The following TBC1D16 variants were observed in gnomAD, a reference collection of about 807,000 sequenced individuals.
The protein encoded by TBC1D16 is TBC1 domain family member 16.
Under a neutral mutation model 74.7 loss-of-function variants are expected in TBC1D16, and 58 were observed. The observed-to-expected ratio is 0.78, with a 90% CI of 0.63 to 0.97. The LOEUF is 0.97. TBC1D16 is among the 50% of genes least tolerant of loss of function. The pLI is 0.00. For missense variants in TBC1D16, 1,014 were observed against 1,079.5 expected (o/e 0.94, Z 0.85); for synonymous variants, 493 against 474.7 (o/e 1.04, Z -0.50).
intron 3 of TBC1D16, among the ~76,000 whole-genome samples, chr17:79,989,322 A>T (rs1336534698): frequency 3.3e-5 from 5 of 152,246 alleles, no homozygotes; most frequent in African/African-American, 9.6e-5. Flanking sequence ...GACGCATCAA[A>T]GCCCCTCTCA....
chr17:79,995,514 G>T (rs939305566), intron 3 of TBC1D16, among the ~76,000 whole-genome samples: 1 of 151,530 alleles, frequency 6.6e-6, no homozygotes, highest in East Asian at 1.9e-4. Flanking sequence ...GGCCGGGCGC[G>T]GTGGCTCACG....
In TBC1D16 at chr17:79,938,032, C is replaced by A. The variant is rs1198140791; in HGVS notation, c.*2827G>T. ...GGATGGCCGTGCAGGGCTGATTATC[C>A]CCTATTTGCACGTTCTGGCGGTGGG... is the stretch of plus-strand genomic sequence containing the variant. On this transcript the variant is annotated 3_prime_UTR_variant, in exon 12 of 12. Coordinates refer to ENST00000310924, the MANE Select transcript of TBC1D16 (RefSeq NM_019020.4). 1 of 152,202 alleles carries A rather than the reference C, an allele frequency of 6.6e-6. No homozygotes were observed. The highest frequency in any genetic ancestry group is 1.9e-4 in the East Asian group (1 of 5,198). The allele number at this position is 152,202 out of a possible 1,614,324, so 9.4% of individuals were successfully genotyped here.
In TBC1D16 at chr17:79,987,940, C is replaced by A. The variant is rs1205935786; in HGVS notation, c.779+22220G>T. Among the ~76,000 whole-genome samples the A allele has an allele frequency of 6.6e-6, 1 of 151,918 alleles. No individual in the cohort carries two copies. The highest frequency in any genetic ancestry group is 6.6e-5 in the Admixed American group (1 of 15,252). On this transcript the variant is annotated intron_variant, in intron 3 of 11. Transcript: ENST00000310924. This position sits in a 1 kb window ranked among gnomAD's most constrained non-coding sequence, Gnocchi z 5.2. ...CCCTCCGAGGCTCTCGGATTTTACGCCTGCATGAGATTTCGAGGGAAGAAT... is the reference window on the plus strand; with the variant it reads ...CCCTCCGAGGCTCTCGGATTTTACGACTGCATGAGATTTCGAGGGAAGAAT...
At chr17:79,976,561 G>A (rs999427878) in intron 3 of TBC1D16, among the ~76,000 whole-genome samples, 2 of 152,190 alleles carry the variant, frequency 1.3e-5, no homozygotes, top group African/African-American at 4.8e-5. Context: ...AAAGCGTGAG[G>A]GAAACACACC....
chr17:79,952,535 G>C, intron 4 of TBC1D16, 122 bp downstream of exon 4: 1 of 1,263,352 alleles, frequency 7.9e-7, no homozygotes, highest in Non-Finnish European at 1.1e-6. Flanking sequence ...GCAGACGCTT[G>C]GGAAGACTCC....
In TBC1D16 at chr17:79,949,760, G is replaced by A. The variant is rs2032890353; in HGVS notation, c.1363C>T (p.Arg455Trp). ...GAGTACTCCTTTCGCTTCTGCAGCC[G>A]CAGCGCCTCCCGCTCCTCCGACGTG... ...ESTSEEREAL[R>W]LQKRKEYSEI... The change falls in exon 7 of 12, where the codon CGG becomes TGG. Residue 455 changes from arginine (R) to tryptophan (W), a missense_variant. By Grantham distance (101) the Arg-to-Trp change is moderately radical (BLOSUM62 -3). Transcript: ENST00000310924. 1 of 1,613,402 alleles carries A rather than the reference G, an allele frequency of 6.2e-7. No homozygotes were observed. Among genetic ancestry groups the A allele is most frequent in the Non-Finnish European group, 8.5e-7 (1 of 1,179,860 alleles).
intron 3 of TBC1D16, chr17:79,992,274 A>G (rs2035096402): frequency 1.3e-5 from 2 of 152,238 alleles, no homozygotes; most frequent in Admixed American, 6.5e-5. Flanking sequence ...GTCCCTTTCA[A>G]CCGCTGTCAG....
chr17:79,974,876 T>C (rs1003707959), intron 3 of TBC1D16, among the ~76,000 whole-genome samples: 8 of 152,194 alleles, frequency 5.3e-5, no homozygotes, highest in African/African-American at 1.4e-4. Context: ...TTCAAAAACG[T>C]TGAAAGAGGG....
rs2035732193 is a variant in TBC1D16 at position 80,007,761 on chromosome 17, C to T, written c.779+2399G>A. On this transcript the variant is annotated intron_variant, in intron 3 of 11. Transcript: ENST00000310924. The surrounding 1 kb of genome is among the most constrained non-coding windows in gnomAD (Gnocchi z 4.5). ...GCCAAAGGCATGAGGCAGAGAGAGC[C>T]CCACAAGATCTAGAGGCAGAGAGGA... is the stretch of plus-strand genomic sequence containing the variant. Among the ~76,000 whole-genome samples the T allele has an allele frequency of 2.6e-5, 4 of 152,030 alleles. No individual in the cohort carries two copies. The highest frequency in any genetic ancestry group is 2.6e-4 in the Admixed American group (4 of 15,272).
intron 3 of TBC1D16, among the ~76,000 whole-genome samples, chr17:79,972,024 G>A (rs143831354): frequency 1.5e-4 from 23 of 152,280 alleles, no homozygotes; most frequent in Non-Finnish European, 2.4e-4. Flanking sequence ...GCAGGGACTC[G>A]AACAGGTATG....
At position 79,993,627 on chromosome 17, in the gene TBC1D16, C is replaced by G. The variant is rs1453011345; in HGVS notation, c.779+16533G>C. ...CTTTCAGGGAAGATTTCATCAGGTG[C>G]TGGGTTACATTGCAACAGCCAGGCG... is the stretch of plus-strand genomic sequence containing the variant. On this transcript the variant is annotated intron_variant, in intron 3 of 11. Transcript: ENST00000310924. This position sits in a 1 kb window ranked among gnomAD's most constrained non-coding sequence, Gnocchi z 5.1. 3 of 152,272 alleles carry G rather than the reference C, an allele frequency of 2.0e-5. No homozygotes were observed. The highest frequency in any genetic ancestry group is 4.4e-5 in the Non-Finnish European group (3 of 68,060). The allele number at this position is 152,272 out of a possible 1,614,324, so 9.4% of individuals were successfully genotyped here.
At position 79,933,781 on chromosome 17, in the gene TBC1D16, G is replaced by C. The variant is rs2031409316; in HGVS notation, c.*7078C>G. The C allele has an allele frequency of 2.6e-5, 4 of 152,356 alleles. No homozygotes were observed. In the South Asian group the frequency reaches 8.3e-4, roughly 32 times the overall value. 9.4% of individuals were successfully genotyped at this position (152,356 alleles called of 1,614,324 possible). A position where few individuals can be genotyped will look rare whatever the true frequency, so the allele number is the denominator to read the frequency against. Reference sequence around the variant, plus strand: ...CTTTGCTCATTTGAGGGTGTGCAGGGTACATATGTGTCTGCCCCGGGAATC... The same window carrying C: ...CTTTGCTCATTTGAGGGTGTGCAGGCTACATATGTGTCTGCCCCGGGAATC... On this transcript the variant is annotated 3_prime_UTR_variant, in exon 12 of 12. Transcript: ENST00000310924.
chr17:79,974,939 G>A (rs562134909), intron 3 of TBC1D16, among the ~76,000 whole-genome samples: 1 of 152,308 alleles, frequency 6.6e-6, no homozygotes, highest in South Asian at 2.1e-4. Flanking sequence ...CTCCCTGTCC[G>A]ATTCCTGATT....
At position 80,005,328 on chromosome 17, in the gene TBC1D16, G is replaced by A. The variant is rs1173620592; in HGVS notation, c.779+4832C>T. Among the ~76,000 whole-genome samples, 4 of 152,196 alleles carry A rather than the reference G, an allele frequency of 2.6e-5. No individual in the cohort carries two copies. The East Asian group carries it at 7.7e-4, about 29-fold the overall frequency. On this transcript the variant is annotated intron_variant, in intron 3 of 11. Coordinates refer to ENST00000310924, the MANE Select transcript of TBC1D16 (RefSeq NM_019020.4). ...TCAGTTCTTTATCCAGGTCACCAAT[G>A]CACATCCCCGGGGCAGGGTCAGTGG... is the stretch of plus-strand genomic sequence containing the variant.
Position 79,950,274 on chromosome 17 carries a change from C to G in TBC1D16, c.1257+137G>C. On this transcript the variant is annotated intron_variant, in intron 6 of 11. Transcript: ENST00000310924. The surrounding 1 kb of genome is among the most constrained non-coding windows in gnomAD (Gnocchi z 4.6). ...CGGTGTGTTCACAGAGAGCCTCACACAAGAAAACGGGGCCCTCACGAGGAG... is the reference window on the plus strand; with the variant it reads ...CGGTGTGTTCACAGAGAGCCTCACAGAAGAAAACGGGGCCCTCACGAGGAG... 1 of 964,832 alleles carries G rather than the reference C, an allele frequency of 1.0e-6. No individual in the cohort carries two copies. The highest frequency in any genetic ancestry group is 1.8e-5 in the South Asian group (1 of 56,980). The allele number at this position is 964,832 out of a possible 1,614,324, so 59.8% of individuals were successfully genotyped here. A position where few individuals can be genotyped will look rare whatever the true frequency, so the allele number is the denominator to read the frequency against.
At chr17:79,967,828 A>C (rs1411109543) in intron 3 of TBC1D16, among the ~76,000 whole-genome samples, 1 of 152,214 alleles carries the variant, frequency 6.6e-6, no homozygotes, top group Non-Finnish European at 1.5e-5. Context: ...TCCTAATTTC[A>C]AAACTTAACT....
Position 79,941,935 on chromosome 17 carries a change from T to G in TBC1D16, c.2055+125A>C, listed in dbSNP as rs2032041576. The G allele has an allele frequency of 2.1e-5, 16 of 760,984 alleles. No homozygotes were observed. The highest frequency in any genetic ancestry group is 5.9e-5 in the East Asian group (2 of 33,662). The allele number at this position is 760,984 out of a possible 1,614,324, so 47.1% of individuals were successfully genotyped here. A position where few individuals can be genotyped will look rare whatever the true frequency, so the allele number is the denominator to read the frequency against. On this transcript the variant is annotated intron_variant, in intron 11 of 11. Coordinates refer to ENST00000310924, the MANE Select transcript of TBC1D16 (RefSeq NM_019020.4). The surrounding 1 kb of genome is among the most constrained non-coding windows in gnomAD (Gnocchi z 4.3). Reference sequence around the variant, plus strand: ...GGGGAGGGCACGTGCTGGGGGGCCATGGTGGGGATGGGGCTCTGGGGGCGG... The same window carrying G: ...GGGGAGGGCACGTGCTGGGGGGCCAGGGTGGGGATGGGGCTCTGGGGGCGG...
intron 10 of TBC1D16, among the ~76,000 whole-genome samples, chr17:79,942,864 C>G (rs1404703396): frequency 6.6e-6 from 1 of 152,236 alleles, no homozygotes; most frequent in Non-Finnish European, 1.5e-5. Flanking sequence ...TTTGAGGACT[C>G]CGCAGCCCTC....
chr17:79,950,935 G>T lies in TBC1D16; in HGVS notation c.1090-357C>A. On this transcript the variant is annotated intron_variant, in intron 5 of 11. Coordinates refer to ENST00000310924, the MANE Select transcript of TBC1D16 (RefSeq NM_019020.4). This position sits in a 1 kb window ranked among gnomAD's most constrained non-coding sequence, Gnocchi z 4.6. ...GTGATTGGCCACATACAAAGGGATC[G>T]CTGTTCTGCGAGCAGGGAGCCAGCC... 1.6e-6 allele frequency: 2 copies of T among 1,269,752 alleles called. No individual in the cohort carries two copies. The highest frequency in any genetic ancestry group is 2.1e-6 in the Non-Finnish European group (2 of 946,960). 78.7% of individuals were successfully genotyped at this position (1,269,752 alleles called of 1,614,324 possible).
Sources: allele counts gnomAD v4.1 joint callset (sites outside exome capture counted in the v4.1 genomes callset), GRCh38; gene constraint gnomAD v4.1.1; non-coding constraint Gnocchi (gnomAD v3.1); transcripts MANE v1.5; gene names NCBI Gene and HGNC (gene_info 2026-07-23, HGNC 2026-07-21).